The following POU6F2 variants were observed in gnomAD, a reference collection of about 807,000 sequenced individuals.
POU6F2 encodes the protein POU domain, class 6, transcription factor 2.
In POU6F2, 31 loss-of-function variants were observed where a neutral mutation model predicts 71.3. The observed-to-expected ratio is 0.43, with a 90% CI of 0.33 to 0.59. The LOEUF is 0.59. Ranked by LOEUF, POU6F2 falls within the 20% of genes least tolerant of loss-of-function variation. POU6F2 has a pLI of 0.04. For synonymous variants in POU6F2, 347 were observed against 355.7 expected (o/e 0.98, Z 0.27); for missense variants, 783 against 856.8 (o/e 0.91, Z 1.07).
intron 4 of POU6F2, among the ~76,000 whole-genome samples, chr7:39,298,273 A>G (rs1299505535): frequency 6.6e-6 from 1 of 152,216 alleles, no homozygotes; most frequent in Non-Finnish European, 1.5e-5. Flanking sequence ...CATCTGACAA[A>G]GGTCTAATAT....
chr7:39,050,949 A>G (rs972425518), intron 1 of POU6F2, among the ~76,000 whole-genome samples: 1 of 152,054 alleles, frequency 6.6e-6, no homozygotes, highest in Non-Finnish European at 1.5e-5. Context: ...TAGTTTTATC[A>G]TTACTGTTTG....
chr7:39,397,380 AATATATATAGACAAAT>A (rs1285854622), intron 5 of POU6F2, among the ~76,000 whole-genome samples: 7 of 147,582 alleles, frequency 4.7e-5, no homozygotes, highest in Non-Finnish European at 1.5e-5. Flanking sequence ...TAGAGAGACA[AATATATATAGACAAAT>A]ATATATATAG....
chr7:39,285,041 G>A (rs1410186982), intron 4 of POU6F2, among the ~76,000 whole-genome samples: 1 of 152,128 alleles, frequency 6.6e-6, no homozygotes, highest in Non-Finnish European at 1.5e-5. Flanking sequence ...TCCCTCACAG[G>A]GGATACCATT....
intron 1 of POU6F2, among the ~76,000 whole-genome samples, chr7:39,080,827 G>T (rs1174549898): frequency 6.6e-6 from 1 of 152,072 alleles, no homozygotes; most frequent in Non-Finnish European, 1.5e-5. Context: ...TAATTATCTC[G>T]CTATCTTTAG....
intron 5 of POU6F2, among the ~76,000 whole-genome samples, chr7:39,368,166 A>T (rs573611592): frequency 2.3e-4 from 35 of 152,372 alleles, no homozygotes; most frequent in African/African-American, 7.7e-4. Flanking sequence ...GGCATTCAAA[A>T]ATCAAGAAAG....
intron 4 of POU6F2, among the ~76,000 whole-genome samples, chr7:39,337,792 A>G (rs1411705940): frequency 6.6e-6 from 1 of 152,150 alleles, no homozygotes; most frequent in Non-Finnish European, 1.5e-5. Context: ...GCAGATGTCA[A>G]ATTAGTCTAT....
At chr7:39,052,262 G>A (rs543341120) in intron 1 of POU6F2, among the ~76,000 whole-genome samples, 2 of 152,036 alleles carry the variant, frequency 1.3e-5, no homozygotes, top group Non-Finnish European at 2.9e-5. Flanking sequence ...AAAAACTTGG[G>A]CCCAGAGAAA....
At chr7:39,294,584 G>C (rs1784815513) in intron 4 of POU6F2, among the ~76,000 whole-genome samples, 1 of 151,970 alleles carries the variant, frequency 6.6e-6, no homozygotes, top group South Asian at 2.1e-4. Context: ...TTATAAAACA[G>C]AGTCCATCTT....
At chr7:39,281,517 T>G (rs1343147227) in intron 4 of POU6F2, among the ~76,000 whole-genome samples, 1 of 152,160 alleles carries the variant, frequency 6.6e-6, no homozygotes, top group African/African-American at 2.4e-5. Flanking sequence ...TGAGATCAAC[T>G]TTTTTAGATC....
chr7:39,246,810 G>A (rs895570293), intron 4 of POU6F2, among the ~76,000 whole-genome samples: 23 of 146,554 alleles, frequency 1.6e-4, no homozygotes, highest in Admixed American at 1.5e-3. Flanking sequence ...TAGCCAATTA[G>A]TCTATGAATA....
chr7:39,436,492 A>C (rs1297663884), intron 7 of POU6F2, among the ~76,000 whole-genome samples: 1 of 152,054 alleles, frequency 6.6e-6, no homozygotes, highest in Non-Finnish European at 1.5e-5. Flanking sequence ...GACTTTGCTG[A>C]ACTTGCTTAT....
At chr7:39,361,365 G>C (rs985921718) in intron 5 of POU6F2, among the ~76,000 whole-genome samples, 1 of 152,206 alleles carries the variant, frequency 6.6e-6, no homozygotes, top group Admixed American at 6.5e-5. Context: ...AAGAGGCAAG[G>C]CTGTCATTTT....
At chr7:39,090,654 A>G (rs1448913027) in intron 2 of POU6F2, among the ~76,000 whole-genome samples, 1 of 152,156 alleles carries the variant, frequency 6.6e-6, no homozygotes, top group Non-Finnish European at 1.5e-5. Context: ...TAAATTCCCT[A>G]GAGAAATGTA....
chr7:39,122,979 C>T (rs572556665), intron 2 of POU6F2, among the ~76,000 whole-genome samples: 2 of 152,196 alleles, frequency 1.3e-5, no homozygotes, highest in African/African-American at 2.4e-5. Flanking sequence ...CATGAGCCAC[C>T]GCACCCGGTG....
intron 2 of POU6F2, among the ~76,000 whole-genome samples, chr7:39,172,762 A>C (rs1269320182): frequency 2.6e-5 from 4 of 151,978 alleles, no homozygotes; most frequent in African/African-American, 9.7e-5. Context: ...CTGGGACTAC[A>C]GGCACCTGCC....
chr7:39,438,123 G>A (rs13238852), intron 7 of POU6F2, among the ~76,000 whole-genome samples: 3,304 of 152,152 alleles, frequency 0.022, 56 homozygotes, highest in Non-Finnish European at 0.033. Flanking sequence ...AGGCCCCGGT[G>A]TGTGATGTTC....
chr7:39,193,194 T>G (rs1343997958), intron 2 of POU6F2, among the ~76,000 whole-genome samples: 1 of 152,168 alleles, frequency 6.6e-6, no homozygotes, highest in Non-Finnish European at 1.5e-5. Context: ...TAGCTCATTA[T>G]TAACATTTTT....
At chr7:39,051,888 G>A (rs1016142581) in intron 1 of POU6F2, among the ~76,000 whole-genome samples, 1 of 152,026 alleles carries the variant, frequency 6.6e-6, no homozygotes, top group African/African-American at 2.4e-5. Context: ...TGAAGCTGAG[G>A]GTGTCCTTGT....
chr7:39,367,988 C>T (rs558009031), intron 5 of POU6F2, among the ~76,000 whole-genome samples: 1 of 152,252 alleles, frequency 6.6e-6, no homozygotes, highest in African/African-American at 2.4e-5. Context: ...GAACCATTTC[C>T]CTGTCTCTCC....
Sources: allele counts gnomAD v4.1 joint callset (sites outside exome capture counted in the v4.1 genomes callset), GRCh38; gene constraint gnomAD v4.1.1; transcripts MANE v1.5; gene names NCBI Gene and HGNC (gene_info 2026-07-23, HGNC 2026-07-21).